Variants in CFAP44 observed in about 807,000 individuals in gnomAD.
CFAP44 encodes the protein cilia and flagella associated protein 44, also known as cilia- and flagella-associated protein 44.
CFAP44 carries 134 observed loss-of-function variants against 216.2 expected under a neutral mutation model. That is an observed-to-expected ratio of 0.62 (90% CI 0.54 to 0.72). CFAP44 has a LOEUF of 0.72. Ranked by LOEUF, CFAP44 falls within the 30% of genes least tolerant of loss-of-function variation. The pLI is 0.00. For synonymous variants in CFAP44, 700 were observed against 727.6 expected, an observed-to-expected ratio of 0.96 and a Z score of 0.61; for missense variants, 2,035 against 2,182.1, an observed-to-expected ratio of 0.93 and a Z score of 1.34.
chr3:113,334,677 C>T (rs145449188), intron 24 of CFAP44, among the ~76,000 whole-genome samples: 1 of 152,160 alleles, frequency 6.6e-6, no homozygotes, highest in East Asian at 1.9e-4. Flanking sequence ...AAAAAAAATG[C>T]TTAAACCAGT....
At chr3:113,357,781 G>A (rs369983128) in intron 22 of CFAP44, among the ~76,000 whole-genome samples, 70 of 152,242 alleles carry the variant, frequency 4.6e-4, no homozygotes, top group African/African-American at 7.5e-4. Flanking sequence ...TTGAAAAACT[G>A]ACAGGATCTA....
chr3:113,326,933 T>C (rs1950194288), intron 27 of CFAP44, among the ~76,000 whole-genome samples: 1 of 152,130 alleles, frequency 6.6e-6, no homozygotes, highest in African/African-American at 2.4e-5. Flanking sequence ...AAATTGAATA[T>C]GTGGATGTCA....
chr3:113,385,301 T>C (rs980082969), intron 15 of CFAP44, among the ~76,000 whole-genome samples: 2 of 152,210 alleles, frequency 1.3e-5, no homozygotes, highest in Non-Finnish European at 2.9e-5. Flanking sequence ...TTCAGAATAC[T>C]TGTTTGCACT....
chr3:113,383,799 G>A (rs1466523480), intron 15 of CFAP44, among the ~76,000 whole-genome samples: 2 of 152,058 alleles, frequency 1.3e-5, no homozygotes, highest in Non-Finnish European at 1.5e-5. Context: ...TGTGCAGAAC[G>A]TGCAGGTTTG....
intron 2 of CFAP44, among the ~76,000 whole-genome samples, chr3:113,431,094 A>C (rs1304505456): frequency 6.6e-6 from 1 of 151,990 alleles, no homozygotes; most frequent in Non-Finnish European, 1.5e-5. Flanking sequence ...CCCAGAGTAA[A>C]AACTTGCTGG....
At chr3:113,426,100 T>C (rs1247607618) in intron 4 of CFAP44, 24 bp downstream of exon 4, 1 of 1,606,848 alleles carries the variant, frequency 6.2e-7, no homozygotes, top group East Asian at 2.2e-5. Flanking sequence ...CCCAAAATTA[T>C]ACATATTTAG....
At chr3:113,391,424 T>C (rs548616297) in intron 15 of CFAP44, among the ~76,000 whole-genome samples, 2 of 152,214 alleles carry the variant, frequency 1.3e-5, no homozygotes, top group East Asian at 3.9e-4. Context: ...TCCAGGACAT[T>C]AGACTGGGCA....
intron 15 of CFAP44, among the ~76,000 whole-genome samples, chr3:113,390,746 T>C (rs1933774450): frequency 2.0e-5 from 3 of 151,940 alleles, no homozygotes. Context: ...ACACTTATAA[T>C]AGCTACAAAT....
At chr3:113,325,472 T>A in intron 28 of CFAP44, among the ~76,000 whole-genome samples, 1 of 151,716 alleles carries the variant, frequency 6.6e-6, no homozygotes, top group East Asian at 1.9e-4. Flanking sequence ...GGAGACAGGG[T>A]CTTGCTCTGT....
Position 113,326,476 on chromosome 3 carries a change from C to G in CFAP44, c.4485G>C (p.Arg1495=). Reference sequence around the variant, plus strand: ...CTCCTTCAACTTCTTTTTTCTTTACCCGTTTAATCTTCTTCTTTAGGACCT... The same window carrying G: ...CTCCTTCAACTTCTTTTTTCTTTACGCGTTTAATCTTCTTCTTTAGGACCT... The part of the protein sequence containing the change: ...LMKVLKKKIK[R]VKKKEVEGDA... Residue 1495 remains arginine (R), a synonymous_variant, in exon 28 of 35, where the codon CGG becomes CGC. Coordinates refer to ENST00000393845, the MANE Select transcript of CFAP44 (RefSeq NM_001164496.2). 1 of 1,504,402 alleles carries G rather than the reference C, an allele frequency of 6.6e-7. No individual in the cohort carries two copies. The highest frequency in any genetic ancestry group is 8.8e-7 in the Non-Finnish European group (1 of 1,136,308). 93.2% of individuals were successfully genotyped at this position (1,504,402 alleles called of 1,614,324 possible). A position where few individuals can be genotyped will look rare whatever the true frequency, so the allele number is the denominator to read the frequency against.
chr3:113,402,371 G>C (rs971017152), intron 9 of CFAP44, among the ~76,000 whole-genome samples: 15 of 152,306 alleles, frequency 9.8e-5, no homozygotes, highest in South Asian at 8.3e-4. Flanking sequence ...GTGAAGTGTA[G>C]ATTGTTGTTC....
In CFAP44 at chr3:113,291,492, T is replaced by A. The variant is rs917345114; in HGVS notation, c.*65A>T. 2.0e-6 allele frequency: 3 copies of A among 1,489,216 alleles called. No individual in the cohort carries two copies. Among genetic ancestry groups the A allele is most frequent in the African/African-American group, 1.4e-5 (1 of 71,888 alleles). 92.3% of individuals were successfully genotyped at this position (1,489,216 alleles called of 1,614,324 possible). On this transcript the variant is annotated 3_prime_UTR_variant, in exon 35 of 35. Transcript: ENST00000393845. ...AAAGTAATAAGATTGTTGGAGGTGA[T>A]GAGGAGACAGAACTTCCAGTGAGTT...
At chr3:113,436,330 A>G (rs1935241075) in intron 1 of CFAP44, among the ~76,000 whole-genome samples, 1 of 152,182 alleles carries the variant, frequency 6.6e-6, no homozygotes, top group African/African-American at 2.4e-5. Flanking sequence ...TTGTTTAGAT[A>G]CACACACACC....
At position 113,289,729 on chromosome 3, in the gene CFAP44, G is replaced by A. The variant is rs1420815315; in HGVS notation, c.*1828C>T. 6.6e-6 allele frequency: 1 copy of A among 152,288 alleles called. No homozygotes were observed. The highest frequency in any genetic ancestry group is 6.5e-5 in the Admixed American group (1 of 15,290). The allele number at this position is 152,288 out of a possible 1,614,324, so 9.4% of individuals were successfully genotyped here. Reference sequence around the variant, plus strand: ...AATAGTGACGCTATGTCACTTCTGAGCTTGGGCTGTAAAAGACTGTGGCTC... The same window carrying A: ...AATAGTGACGCTATGTCACTTCTGAACTTGGGCTGTAAAAGACTGTGGCTC... On this transcript the variant is annotated 3_prime_UTR_variant, in exon 35 of 35. Coordinates refer to ENST00000393845, the MANE Select transcript of CFAP44 (RefSeq NM_001164496.2).
rs1055556585 is a variant in CFAP44, at chr3:113,294,083, C to T, written c.5373+604G>A. The T allele has an allele frequency of 3.1e-5, 14 of 456,180 alleles. No homozygotes were observed. The Admixed American group carries it at 3.3e-4, about 11-fold the overall frequency. 28.3% of individuals were successfully genotyped at this position (456,180 alleles called of 1,614,324 possible). A position where few individuals can be genotyped will look rare whatever the true frequency, so the allele number is the denominator to read the frequency against. On this transcript the variant is annotated intron_variant, in intron 34 of 34. Coordinates refer to ENST00000393845, the MANE Select transcript of CFAP44 (RefSeq NM_001164496.2). ...AAAGAAGACCAAGAGAAACAACTGG[C>T]CTTTTTGCAGGTAATATTGTTAAGT...
At chr3:113,369,968 T>A (rs1254942838) in intron 18 of CFAP44, among the ~76,000 whole-genome samples, 1 of 152,184 alleles carries the variant, frequency 6.6e-6, no homozygotes, top group Non-Finnish European at 1.5e-5. Flanking sequence ...GCAAATAAAC[T>A]AGAAAATCTA....
At chr3:113,304,190 G>A (rs1949963978) in intron 31 of CFAP44, 73 bp from the exon 32 acceptor site, 2 of 1,447,940 alleles carry the variant, frequency 1.4e-6, no homozygotes, top group African/African-American at 2.8e-5. Flanking sequence ...AAGCATAAGA[G>A]GTGCACTTCC....
intron 14 of CFAP44, 127 bp from the exon 15 acceptor site, chr3:113,395,987 AG>A: frequency 3.2e-6 from 2 of 625,290 alleles, no homozygotes; most frequent in Non-Finnish European, 5.2e-6. Flanking sequence ...AGATTATTCT[AG>A]GAGAATTCTT....
At chr3:113,437,791 GT>G (rs1935271313) in intron 1 of CFAP44, among the ~76,000 whole-genome samples, 1 of 150,124 alleles carries the variant, frequency 6.7e-6, no homozygotes, top group Non-Finnish European at 1.5e-5. Context: ...GTTTTTTGGG[GT>G]TTTGTTTGTT....
Sources: allele counts gnomAD v4.1 joint callset (sites outside exome capture counted in the v4.1 genomes callset), GRCh38; gene constraint gnomAD v4.1.1; transcripts MANE v1.5; gene names NCBI Gene and HGNC (gene_info 2026-07-23, HGNC 2026-07-21).